Variants in CAPRIN1 observed in about 807,000 individuals in gnomAD.
CAPRIN1 encodes the protein cell cycle associated protein 1, also known as caprin-1.
Under a neutral mutation model 100.9 loss-of-function variants are expected in CAPRIN1, and 29 were observed. That is an observed-to-expected ratio of 0.29 (90% confidence interval 0.21 to 0.39). The LOEUF is 0.39. Among genes scored for constraint, CAPRIN1 ranks in the 10% least tolerant of loss-of-function variants. The pLI is 1.00. For synonymous variants in CAPRIN1, 338 were observed against 307.5 expected (o/e 1.10, Z -1.04); for missense variants, 795 against 876.7 (o/e 0.91, Z 1.18).
rs1851437377 is a variant in CAPRIN1 at position 34,100,465 on chromosome 11, T to A, written c.*1098T>A. 1 of 152,218 alleles carries A rather than the reference T, an allele frequency of 6.6e-6. No homozygotes were observed. The highest frequency in any genetic ancestry group is 1.5e-5 in the Non-Finnish European group (1 of 68,034). The allele number at this position is 152,218 out of a possible 1,614,324, so 9.4% of individuals were successfully genotyped here. Reference sequence around the variant, plus strand: ...GGGAAATCACGGACAGTAGTTTCAGTTCTGATGGTATAAGCAAAACAAATA... The same window carrying A: ...GGGAAATCACGGACAGTAGTTTCAGATCTGATGGTATAAGCAAAACAAATA... On this transcript the variant is annotated 3_prime_UTR_variant, in exon 19 of 19. Transcript: ENST00000341394.
intron 7 of CAPRIN1, among the ~76,000 whole-genome samples, chr11:34,082,064 G>A (rs1257388562): frequency 2.6e-5 from 4 of 152,144 alleles, no homozygotes; most frequent in South Asian, 2.1e-4. Context: ...CCCCAACCTC[G>A]GCCTCCCAGA....
chr11:34,060,368 G>T (rs892469230), intron 2 of CAPRIN1, among the ~76,000 whole-genome samples: 8 of 151,926 alleles, frequency 5.3e-5, no homozygotes, highest in African/African-American at 1.9e-4. Flanking sequence ...TAGAGACAGG[G>T]TCTCACTATC....
chr11:34,095,567 A>G (rs1345172918), intron 15 of CAPRIN1, among the ~76,000 whole-genome samples: 3 of 152,216 alleles, frequency 2.0e-5, no homozygotes, highest in African/African-American at 4.8e-5. Flanking sequence ...CAAGAGTCAT[A>G]CAGCTGCTTT....
Position 34,082,951 on chromosome 11 carries a change from G to T in CAPRIN1, c.880-4G>T, listed in dbSNP as rs1469771519. 1 of 1,613,368 alleles carries T rather than the reference G, an allele frequency of 6.2e-7. No individual in the cohort carries two copies. ...ATGTCTCAAACATTTACTTTGCTTT[G>T]CAGTATGTAAATAGACAGTTCATGG... On this transcript the variant is annotated splice_region_variant and splice_polypyrimidine_tract_variant and intron_variant, in intron 8 of 18. Coordinates refer to ENST00000341394, the MANE Select transcript of CAPRIN1 (RefSeq NM_005898.5).
At chr11:34,085,419 AT>A (rs1221619803) in intron 9 of CAPRIN1, among the ~76,000 whole-genome samples, 1 of 152,192 alleles carries the variant, frequency 6.6e-6, no homozygotes, top group Non-Finnish European at 1.5e-5. Context: ...AGATATATAA[AT>A]CCAGTTACTA....
At chr11:34,099,017 T>A in intron 18 of CAPRIN1, 1 of 1,288,886 alleles carries the variant, frequency 7.8e-7, no homozygotes, top group Non-Finnish European at 9.9e-7. Context: ...TGATGGTGCC[T>A]GGCACATAGT....
chr11:34,098,849 G>C (rs1851410426), intron 18 of CAPRIN1: 4 of 986,930 alleles, frequency 4.1e-6, no homozygotes, highest in Non-Finnish European at 4.8e-6. Flanking sequence ...TAACAGTTTA[G>C]GTAATAAGGT....
chr11:34,067,402 TCA>T (rs1355051350), intron 2 of CAPRIN1, among the ~76,000 whole-genome samples: 2 of 152,190 alleles, frequency 1.3e-5, no homozygotes, highest in Non-Finnish European at 2.9e-5. Context: ...TTTAAAAATC[TCA>T]GTTATTGGAT....
chr11:34,058,762 C>CT (rs1375172890), intron 2 of CAPRIN1, among the ~76,000 whole-genome samples: 3 of 151,942 alleles, frequency 2.0e-5, no homozygotes, highest in African/African-American at 4.8e-5. Flanking sequence ...AGTTAAAACT[C>CT]TGAAGTTTTT....
chr11:34,095,107 G>C (rs932232192), intron 15 of CAPRIN1, among the ~76,000 whole-genome samples: 1 of 152,034 alleles, frequency 6.6e-6, no homozygotes, highest in Non-Finnish European at 1.5e-5. Flanking sequence ...GTGTTGCCCA[G>C]CTGGTCTCAA....
intron 15 of CAPRIN1, among the ~76,000 whole-genome samples, chr11:34,093,853 G>T (rs1368122651): frequency 8.2e-6 from 1 of 122,130 alleles, no homozygotes; most frequent in Non-Finnish European, 1.8e-5. Flanking sequence ...GGCTGGTCTC[G>T]AACACCAGTC....
At chr11:34,079,905 G>GCTTTTTT (rs1850980473) in intron 7 of CAPRIN1, 140 bp downstream of exon 7, 2 of 316,654 alleles carry the variant, frequency 6.3e-6, no homozygotes, top group African/African-American at 5.8e-5. Context: ...GCATGACAAA[G>GCTTTTTT]TTTTTTTTTT....
rs1850343704 is a variant in CAPRIN1, at chr11:34,052,508, G to C, written c.88G>C (p.Ala30Pro). 1.2e-6 allele frequency: 2 copies of C among 1,604,378 alleles called. No individual in the cohort carries two copies. Among genetic ancestry groups the C allele is most frequent in the Middle Eastern group, 2.0e-4 (1 of 4,980 alleles). ...GGGTTCCTCCGGGAGTGAGGCGGCC[G>C]CGGGAGCCGGGGCCGCCGCGCCGGC... ...PSGSSGSEAA[A>P]GAGAAAPASQ... The change falls in exon 2 of 19, where the codon GCG becomes CCG. Residue 30 changes from alanine (A) to proline (P), a missense_variant. Physicochemically the swap from Ala to Pro is conservative, Grantham distance 27. Transcript: ENST00000341394.
At chr11:34,057,945 G>A (rs977211110) in intron 2 of CAPRIN1, among the ~76,000 whole-genome samples, 2 of 150,936 alleles carry the variant, frequency 1.3e-5, no homozygotes, top group Non-Finnish European at 3.0e-5. Flanking sequence ...GTCTCAAAAC[G>A]CCTGACCTGA....
At chr11:34,069,937 A>G (rs988583725) in intron 2 of CAPRIN1, among the ~76,000 whole-genome samples, 1 of 150,690 alleles carries the variant, frequency 6.6e-6, no homozygotes, top group African/African-American at 2.4e-5. Context: ...AAAAAACAAA[A>G]CTTATTACCA....
chr11:34,052,360 T>G, intron 1 of CAPRIN1, 61 bp from the exon 2 acceptor site: 2 of 1,383,846 alleles, frequency 1.4e-6, no homozygotes, highest in Admixed American at 1.9e-5. Context: ...CCCGTCCGTC[T>G]CCTGACTGGC....
rs902295612 is a variant in CAPRIN1, at chr11:34,067,431, T to C, written c.217-4295T>C. Among the ~76,000 whole-genome samples the C allele has an allele frequency of 1.2e-4, 19 of 152,166 alleles. 1 individual carries two copies. Among genetic ancestry groups the C allele is most frequent in the Admixed American group, 1.1e-3 (17 of 15,280 alleles). On this transcript the variant is annotated intron_variant, in intron 2 of 18. Transcript: ENST00000341394. ...TTATTGGATTGAAACATGAGAAATATGTTAATAGTAATACTAAATCAGAAT... is the reference window on the plus strand; with the variant it reads ...TTATTGGATTGAAACATGAGAAATACGTTAATAGTAATACTAAATCAGAAT...
rs1851422641 is a variant in CAPRIN1, at chr11:34,099,580, A to G, written c.*213A>G. The G allele has an allele frequency of 1.8e-6, 1 of 567,112 alleles. No homozygotes were observed. The allele number at this position is 567,112 out of a possible 1,614,324, so 35.1% of individuals were successfully genotyped here. On this transcript the variant is annotated 3_prime_UTR_variant, in exon 19 of 19. Coordinates refer to ENST00000341394, the MANE Select transcript of CAPRIN1 (RefSeq NM_005898.5). ...TTTTTACTCTGCATGTTCTGTCCTA[A>G]GCGTCATCTTGAGCCTTGCACATGA... is the stretch of plus-strand genomic sequence containing the variant.
intron 6 of CAPRIN1, among the ~76,000 whole-genome samples, chr11:34,077,759 A>G (rs953022140): frequency 5.9e-5 from 9 of 152,216 alleles, no homozygotes; most frequent in African/African-American, 1.9e-4. Flanking sequence ...AAAATTTAGA[A>G]GAGTATATTT....
Sources: gnomAD v4.1 joint callset for allele counts (sites outside exome capture counted in the v4.1 genomes callset) on GRCh38, gnomAD v4.1.1 for gene constraint, MANE v1.5 for transcripts, NCBI Gene and HGNC (gene_info 2026-07-23, HGNC 2026-07-21) for gene names.